Variants in NFATC1 observed in about 807,000 individuals in gnomAD.
NFATC1 encodes the protein nuclear factor of activated T-cells, cytoplasmic 1.
NFATC1 carries 22 observed loss-of-function variants against 76.0 expected under a neutral mutation model. The observed-to-expected ratio is 0.29, with a 90% confidence interval of 0.21 to 0.41. The LOEUF (loss-of-function observed/expected upper bound fraction) is 0.41, where lower values mean the gene tolerates loss of function less well. Among genes scored for constraint, NFATC1 ranks in the 10% least tolerant of loss-of-function variants. The probability of loss-of-function intolerance (pLI) is 1.00; values close to 1 mark genes in which losing one functional copy is unlikely to be tolerated. For missense variants in NFATC1, 1,357 were observed against 1,337.7 expected (o/e 1.01, Z -0.23); for synonymous variants, 704 against 613.1 (o/e 1.15, Z -2.19).
Position 79,465,793 on chromosome 18 carries a change from G to A in NFATC1, c.1960-1657G>A, listed in dbSNP as rs913636655. 3.3e-5 allele frequency among the ~76,000 whole-genome samples: 5 copies of A among 152,194 alleles called. No homozygotes were observed. The highest frequency in any genetic ancestry group is 1.3e-4 in the Admixed American group (2 of 15,282). On this transcript the variant is annotated intron_variant, in intron 7 of 9. Coordinates refer to ENST00000427363, the MANE Select transcript of NFATC1 (RefSeq NM_001278669.2). This position sits in a 1 kb window ranked among gnomAD's most constrained non-coding sequence, Gnocchi z 4.2. ...TGGAGGAAGCGTCTCTTTATCCCCC[G>A]TACAAATGCCGAGACAGGCTCCGGG...
Position 79,396,072 on chromosome 18 carries a change from C to A in NFATC1, c.-153C>A. 1 of 961,774 alleles carries A rather than the reference C, an allele frequency of 1.0e-6. No individual in the cohort carries two copies. Among genetic ancestry groups the A allele is most frequent in the Non-Finnish European group, 1.3e-6 (1 of 767,118 alleles). 59.6% of individuals were successfully genotyped at this position (961,774 alleles called of 1,614,324 possible). A position where few individuals can be genotyped will look rare whatever the true frequency, so the allele number is the denominator to read the frequency against. On this transcript the variant is annotated 5_prime_UTR_variant, in exon 1 of 10. Transcript: ENST00000427363. ...AGGGCCGCGGCCGGGCCCCGCCACG[C>A]GCGCACACGCCCCTCGATGACTTTC...
chr18:79,476,029 C>T (rs901436095), intron 8 of NFATC1, among the ~76,000 whole-genome samples: 1 of 152,068 alleles, frequency 6.6e-6, no homozygotes, highest in East Asian at 1.9e-4. Context: ...GGGGTGGGGC[C>T]GGGAGCCTGA....
chr18:79,416,235 A>G (rs2085871751), intron 2 of NFATC1, among the ~76,000 whole-genome samples: 1 of 152,220 alleles, frequency 6.6e-6, no homozygotes, highest in South Asian at 2.1e-4. Context: ...ACAGTTTATC[A>G]CAATTTGGAA....
At chr18:79,476,530 CTCGCTGCCGTGCTGTCCTGGCCCCG>C (rs2089077835) in intron 8 of NFATC1, among the ~76,000 whole-genome samples, 1 of 152,236 alleles carries the variant, frequency 6.6e-6, no homozygotes, top group Non-Finnish European at 1.5e-5. Flanking sequence ...TGCGCTTCCC[CTCGCTGCCGTGCTGTCCTGGCCCCG>C]TCGCTGCCAC....
chr18:79,463,095 C>G (rs548229235), intron 7 of NFATC1, among the ~76,000 whole-genome samples: 5 of 152,252 alleles, frequency 3.3e-5, no homozygotes, highest in Non-Finnish European at 5.9e-5. Context: ...GGACCCATCC[C>G]CTTCCCAGAA....
chr18:79,413,614 C>G (rs1158455601), intron 2 of NFATC1, among the ~76,000 whole-genome samples: 2 of 152,256 alleles, frequency 1.3e-5, no homozygotes, highest in East Asian at 1.9e-4. Context: ...CTGGGCAGGA[C>G]TCCATTATGT....
At chr18:79,424,582 T>C (rs2086218443) in intron 2 of NFATC1, among the ~76,000 whole-genome samples, 1 of 151,950 alleles carries the variant, frequency 6.6e-6, no homozygotes, top group Non-Finnish European at 1.5e-5. Flanking sequence ...TCTCTCCATC[T>C]CTTTCTCTGT....
chr18:79,436,484 G>A (rs997004057), intron 3 of NFATC1, among the ~76,000 whole-genome samples: 11 of 152,236 alleles, frequency 7.2e-5, no homozygotes, highest in East Asian at 3.8e-4. Context: ...CAGCTCTCGC[G>A]GCCAGGGGCA....
chr18:79,433,932 G>A (rs935358900), intron 3 of NFATC1, among the ~76,000 whole-genome samples, 194 bp downstream of exon 3: 2 of 152,234 alleles, frequency 1.3e-5, no homozygotes, highest in African/African-American at 2.4e-5. Flanking sequence ...GCTTCCACAC[G>A]TGCAGGCCCT....
chr18:79,482,278 T>C (rs141887840), intron 8 of NFATC1, among the ~76,000 whole-genome samples: 8,661 of 86,664 alleles, frequency 0.1, 179 homozygotes, highest in Non-Finnish European at 0.13. Flanking sequence ...GTAATTCCAG[T>C]GTGACCTGGT....
intron 8 of NFATC1, among the ~76,000 whole-genome samples, chr18:79,471,792 G>C (rs1452657463): frequency 2.0e-5 from 3 of 152,238 alleles, no homozygotes; most frequent in Non-Finnish European, 4.4e-5. Context: ...GAAGGTGTCG[G>C]AACAGATCTG....
chr18:79,486,176 C>T lies in NFATC1; in HGVS notation c.2093-72C>T, dbSNP rs56068610. ...CCCTGTTGGTTTTGCGGAGGGTGCC[C>T]CAGCCACAAGCCTGCCTGATCACAC... is the stretch of plus-strand genomic sequence containing the variant. On this transcript the variant is annotated intron_variant, in intron 8 of 9. Transcript: ENST00000427363. The T allele has an allele frequency of 1.3e-4, 194 of 1,440,610 alleles. 1 individual carries two copies. In the East Asian group the frequency reaches 4.1e-3, roughly 30 times the overall value. The allele number at this position is 1,440,610 out of a possible 1,614,324, so 89.2% of individuals were successfully genotyped here. A position where few individuals can be genotyped will look rare whatever the true frequency, so the allele number is the denominator to read the frequency against.
chr18:79,517,474 G>A (rs3826572), intron 9 of NFATC1, among the ~76,000 whole-genome samples: 77,794 of 152,098 alleles, frequency 0.51, 20,393 homozygotes, highest in East Asian at 0.76. Flanking sequence ...CCAGTGGGAC[G>A]GTGGGCCTTA....
chr18:79,481,373 C>T (rs991916034), intron 8 of NFATC1, among the ~76,000 whole-genome samples: 1 of 152,224 alleles, frequency 6.6e-6, no homozygotes, highest in African/African-American at 2.4e-5. Flanking sequence ...CGCCTCCTGC[C>T]ACCCCTTCAA....
Position 79,396,168 on chromosome 18 carries a change from G to A in NFATC1, c.-57G>A, listed in dbSNP as rs1387393852. The A allele has an allele frequency of 7.8e-5, 109 of 1,393,650 alleles. No individual in the cohort carries two copies. Among genetic ancestry groups the A allele is most frequent in the Non-Finnish European group, 1.0e-4 (109 of 1,060,842 alleles). The allele number at this position is 1,393,650 out of a possible 1,614,324, so 86.3% of individuals were successfully genotyped here. On this transcript the variant is annotated 5_prime_UTR_variant, in exon 1 of 10. Transcript: ENST00000427363. Reference sequence around the variant, plus strand: ...GGAGACCCGACCCCGGCAGCGCGGGGCGGCCGCTTCTCCTGTGCCTCCGCC... The same window carrying A: ...GGAGACCCGACCCCGGCAGCGCGGGACGGCCGCTTCTCCTGTGCCTCCGCC...
At chr18:79,438,899 C>T (rs987439979) in intron 3 of NFATC1, among the ~76,000 whole-genome samples, 2 of 152,194 alleles carry the variant, frequency 1.3e-5, no homozygotes, top group Non-Finnish European at 2.9e-5. Context: ...TCCACAGATC[C>T]GTAACAGACG....
At chr18:79,441,035 C>T (rs2086955118) in intron 3 of NFATC1, among the ~76,000 whole-genome samples, 1 of 152,238 alleles carries the variant, frequency 6.6e-6, no homozygotes, top group African/African-American at 2.4e-5. Context: ...TGTCTGTGGA[C>T]AGAGGCGCTT....
rs2085604358 is a variant in NFATC1, at chr18:79,410,021, C to T, written c.128-382C>T. 1 of 578,530 alleles carries T rather than the reference C, an allele frequency of 1.7e-6. No homozygotes were observed. The highest frequency in any genetic ancestry group is 3.3e-6 in the Non-Finnish European group (1 of 299,570). The allele number at this position is 578,530 out of a possible 1,614,324, so 35.8% of individuals were successfully genotyped here. A position where few individuals can be genotyped will look rare whatever the true frequency, so the allele number is the denominator to read the frequency against. On this transcript the variant is annotated intron_variant, in intron 1 of 9. Coordinates refer to ENST00000427363, the MANE Select transcript of NFATC1 (RefSeq NM_001278669.2). This position sits in a 1 kb window ranked among gnomAD's most constrained non-coding sequence, Gnocchi z 6.7. Reference sequence around the variant, plus strand: ...GAATGAAGAGCGGAACCCGTGAGGACCCAGTCGCCTCTCTCTGGGAAGGAC... The same window carrying T: ...GAATGAAGAGCGGAACCCGTGAGGATCCAGTCGCCTCTCTCTGGGAAGGAC...
chr18:79,449,020 G>T (rs2087342347), intron 4 of NFATC1, 36 bp downstream of exon 4: 2 of 1,602,758 alleles, frequency 1.2e-6, no homozygotes, highest in South Asian at 2.2e-5. Context: ...CTGGCAGGGG[G>T]CGGTAGGAGG....
Sources: gnomAD v4.1 joint callset for allele counts (sites outside exome capture counted in the v4.1 genomes callset) on GRCh38, gnomAD v4.1.1 for gene constraint, Gnocchi (gnomAD v3.1) non-coding constraint, MANE v1.5 for transcripts, NCBI Gene and HGNC (gene_info 2026-07-23, HGNC 2026-07-21) for gene names.